The following IKBKE variants were observed in gnomAD, a reference collection of about 807,000 sequenced individuals.
IKBKE encodes the protein inhibitor of nuclear factor kappa-B kinase subunit epsilon.
IKBKE carries 45 observed loss-of-function variants against 92.1 expected under a neutral mutation model. That is an observed-to-expected ratio of 0.49 (90% CI 0.38 to 0.63). The LOEUF (loss-of-function observed/expected upper bound fraction) is 0.63. Ranked by LOEUF, IKBKE falls within the 20% of genes least tolerant of loss-of-function variation. The probability of loss-of-function intolerance (pLI) is 0.00; values close to 1 mark genes in which losing one functional copy is unlikely to be tolerated. For synonymous variants in IKBKE, 374 were observed against 380.3 expected (o/e 0.98, Z 0.19); for missense variants, 700 against 932.8 (o/e 0.75, Z 3.25).
intron 16 of IKBKE, 53 bp downstream of exon 16, chr1:206,488,043 C>G (rs41299039): frequency 7.2e-7 from 1 of 1,382,654 alleles, no homozygotes; most frequent in South Asian, 1.2e-5. Context: ...TCCCTTCTTT[C>G]GCCTTTCTTC....
At chr1:206,489,379 A>C (rs781948524) in intron 16 of IKBKE, among the ~76,000 whole-genome samples, 5 of 130,520 alleles carry the variant, frequency 3.8e-5, no homozygotes, top group East Asian at 2.0e-4. Context: ...GTATATATAT[A>C]TATATATATA....
rs782466362 is a variant in IKBKE, at chr1:206,474,875, G to A, written c.239G>A (p.Arg80Gln). 57 of 1,613,830 alleles carry A rather than the reference G, an allele frequency of 3.5e-5. No homozygotes were observed. The highest frequency in any genetic ancestry group is 8.9e-5 in the East Asian group (4 of 44,886). The change falls in exon 5 of 22, where the codon CGG (arginine) becomes CAG (glutamine). Residue 80 changes from arginine to glutamine, a missense_variant. Arg to Gln is a conservative substitution (Grantham distance 43). Coordinates refer to ENST00000581977, the MANE Select transcript of IKBKE (RefSeq NM_014002.4). The part of the protein sequence containing the change: ...LFAVEETGGS[R>Q]QKVLVMEYCS... ...CTGTCCCACCCATAGGGCGGAAGCCGGCAGAAGGTACTGGTGATGGAGTAC... is the reference window on the plus strand; with the variant it reads ...CTGTCCCACCCATAGGGCGGAAGCCAGCAGAAGGTACTGGTGATGGAGTAC...
rs1346545611 is a variant in IKBKE at position 206,496,666 on chromosome 1, G to A, written c.*521G>A. ...TGAGGGTCACCACTGCCAGCCTCAG[G>A]CAACATAGAGAGCCTCCTGTTCTTT... On this transcript the variant is annotated 3_prime_UTR_variant, in exon 22 of 22. Coordinates refer to ENST00000581977, the MANE Select transcript of IKBKE (RefSeq NM_014002.4). The A allele has an allele frequency of 8.5e-6, 2 of 234,076 alleles. No homozygotes were observed. Among genetic ancestry groups the A allele is most frequent in the Non-Finnish European group, 1.7e-5 (2 of 118,678 alleles). 14.5% of individuals were successfully genotyped at this position (234,076 alleles called of 1,614,324 possible).
intron 15 of IKBKE, among the ~76,000 whole-genome samples, chr1:206,486,119 T>C (rs926232120): frequency 2.0e-5 from 3 of 152,382 alleles, no homozygotes; most frequent in East Asian, 3.9e-4. Flanking sequence ...AGGCTCTTTA[T>C]AGAATTTATC....
intron 18 of IKBKE, 94 bp from the exon 19 acceptor site, chr1:206,492,929 C>T (rs974011250): frequency 9.2e-7 from 1 of 1,085,866 alleles, no homozygotes; most frequent in South Asian, 1.3e-5. Context: ...CGGGACCCAC[C>T]TGTGTCCATG....
In IKBKE at chr1:206,485,173, G is replaced by A; in HGVS notation, c.1504-21G>A. 1 of 1,598,016 alleles carries A rather than the reference G, an allele frequency of 6.3e-7. No individual in the cohort carries two copies. The highest frequency in any genetic ancestry group is 2.2e-5 in the East Asian group (1 of 44,804). ...TGCCCAGGCTGAAGACCCCACGGGG[G>A]TCTGCCTTTGTGCCCCACAGCTAGC... is the stretch of plus-strand genomic sequence containing the variant. On this transcript the variant is annotated intron_variant, in intron 14 of 21. Transcript: ENST00000581977. This position sits in a 1 kb window ranked among gnomAD's most constrained non-coding sequence, Gnocchi z 5.0.
chr1:206,479,710 T>A (rs933746090), intron 10 of IKBKE, among the ~76,000 whole-genome samples, 160 bp from the exon 11 acceptor site: 8 of 152,242 alleles, frequency 5.3e-5, no homozygotes, highest in African/African-American at 1.9e-4. Context: ...ATCACAACTT[T>A]AAGTGTGGCT....
At chr1:206,489,369 G>GTGTGTATA (rs1452670242) in intron 16 of IKBKE, among the ~76,000 whole-genome samples, 3 of 119,210 alleles carry the variant, frequency 2.5e-5, no homozygotes, top group African/African-American at 1.0e-4. Context: ...GTGTGTGTGT[G>GTGTGTATA]TATATATATA....
intron 7 of IKBKE, among the ~76,000 whole-genome samples, chr1:206,477,275 A>G (rs1572242061): frequency 6.6e-6 from 1 of 151,876 alleles, no homozygotes; most frequent in Non-Finnish European, 1.5e-5. Flanking sequence ...TGCACAGCCC[A>G]GAGCAGAGGA....
chr1:206,488,062 T>C, intron 16 of IKBKE, 72 bp downstream of exon 16: 1 of 1,208,178 alleles, frequency 8.3e-7, no homozygotes. Context: ...TCCTTTTCAC[T>C]GGTGCTACCA....
Position 206,496,299 on chromosome 1 carries a change from C to A in IKBKE, c.*154C>A. ...CCAGGATGTCGCCAGCATTACCTTC[C>A]ACTGCCTTTCTCCCTGGGAAGCAGC... On this transcript the variant is annotated 3_prime_UTR_variant, in exon 22 of 22. Coordinates refer to ENST00000581977, the MANE Select transcript of IKBKE (RefSeq NM_014002.4). The A allele has an allele frequency of 1.5e-6, 1 of 668,032 alleles. No individual in the cohort carries two copies. The allele number at this position is 668,032 out of a possible 1,614,324, so 41.4% of individuals were successfully genotyped here.
At chr1:206,474,664 A>C in intron 4 of IKBKE, 193 bp downstream of exon 4, 1 of 786,122 alleles carries the variant, frequency 1.3e-6, no homozygotes, top group Non-Finnish European at 2.0e-6. Context: ...GGACAGAATC[A>C]GTACCTAAGC....
intron 13 of IKBKE, among the ~76,000 whole-genome samples, chr1:206,482,646 G>A (rs1204218170): frequency 6.6e-6 from 1 of 152,264 alleles, no homozygotes; most frequent in Non-Finnish European, 1.5e-5. Context: ...CAGGGAGCCA[G>A]AGGGCCAGGT....
Position 206,480,533 on chromosome 1 carries a change from GGT to G in IKBKE, c.1427+2_1427+3del. On this transcript the variant is annotated splice_donor_variant, in intron 13 of 21. Transcript: ENST00000581977. LOFTEE classifies it high-confidence loss of function. ...CTCAGCAGCAGCCTGGGAACTGAGA[GGT>G]GGGTGTTCGCCTCAGGCCAGCTGGG... The G allele has an allele frequency of 6.2e-7, 1 of 1,612,122 alleles. No homozygotes were observed. The highest frequency in any genetic ancestry group is 8.5e-7 in the Non-Finnish European group (1 of 1,178,696).
chr1:206,494,100 C>A, intron 21 of IKBKE, 109 bp downstream of exon 21: 2 of 878,190 alleles, frequency 2.3e-6, no homozygotes, highest in Non-Finnish European at 3.6e-6. Flanking sequence ...TGACACGTGT[C>A]CATTTTCGAA....
Position 206,480,532 on chromosome 1 carries a change from A to G in IKBKE, c.1426A>G (p.Arg476Gly). 6.2e-7 allele frequency: 1 copy of G among 1,612,242 alleles called. No individual in the cohort carries two copies. Among genetic ancestry groups the G allele is most frequent in the Non-Finnish European group, 8.5e-7 (1 of 1,178,798 alleles). The stretch of plus-strand genomic sequence containing the variant: ...CCTCAGCAGCAGCCTGGGAACTGAG[A>G]GGTGGGTGTTCGCCTCAGGCCAGCT... The part of the protein sequence containing the change: ...LYLSSSLGTE[R>G]FSSVAGTPEI... The change falls in exon 13 of 22, where the codon AGG (arginine) becomes GGG (glycine). Residue 476 changes from arginine (R) to glycine (G), a missense_variant and splice_region_variant. Physicochemically the swap from Arg to Gly is moderately radical, Grantham distance 125. Coordinates refer to ENST00000581977, the MANE Select transcript of IKBKE (RefSeq NM_014002.4).
intron 5 of IKBKE, among the ~76,000 whole-genome samples, chr1:206,475,693 C>T (rs1665024559): frequency 1.4e-5 from 2 of 144,766 alleles, no homozygotes; most frequent in African/African-American, 2.7e-5. Flanking sequence ...GCTGAGATTG[C>T]ACCACTGTAC....
At chr1:206,483,480 C>G (rs782032461) in intron 13 of IKBKE, among the ~76,000 whole-genome samples, 1 of 152,322 alleles carries the variant, frequency 6.6e-6, no homozygotes, top group East Asian at 1.9e-4. Flanking sequence ...ACGAGACGTA[C>G]GAGGAGCAAA....
intron 13 of IKBKE, among the ~76,000 whole-genome samples, chr1:206,484,752 T>A (rs1468172942): frequency 2.6e-5 from 4 of 152,168 alleles, no homozygotes; most frequent in Non-Finnish European, 4.4e-5. Flanking sequence ...TTTCATAGAC[T>A]CAAGGTGTTA....
Sources: allele counts gnomAD v4.1 joint callset (sites outside exome capture counted in the v4.1 genomes callset), GRCh38; gene constraint gnomAD v4.1.1; non-coding constraint Gnocchi (gnomAD v3.1); transcripts MANE v1.5; gene names NCBI Gene and HGNC (gene_info 2026-07-23, HGNC 2026-07-21).